Variants in PRKD1 observed in about 807,000 individuals in gnomAD.
PRKD1 encodes the protein protein kinase D1.
PRKD1 carries 63 observed loss-of-function variants against 95.9 expected under a neutral mutation model. The ratio of observed to expected loss-of-function variants is 0.66; its 90% CI spans 0.54 to 0.81. The LOEUF (loss-of-function observed/expected upper bound fraction) is 0.81. PRKD1 is among the 30% of genes least tolerant of loss of function. The pLI, the probability that PRKD1 is intolerant of heterozygous loss-of-function variation, is 0.00. For missense variants in PRKD1, 1,048 were observed against 1,165.3 expected (o/e 0.90, Z 1.47); for synonymous variants, 425 against 423.1 (o/e 1.00, Z -0.05).
intron 16 of PRKD1, among the ~76,000 whole-genome samples, chr14:29,591,786 G>A (rs1262439457): frequency 6.6e-6 from 1 of 152,062 alleles, no homozygotes; most frequent in Non-Finnish European, 1.5e-5. Context: ...TTAACTCACA[G>A]ACTGAGTCTT....
chr14:29,867,688 TGAA>T (rs1249494687), intron 1 of PRKD1, among the ~76,000 whole-genome samples: 1 of 152,190 alleles, frequency 6.6e-6, no homozygotes, highest in East Asian at 1.9e-4. Flanking sequence ...GGCTGTGCCA[TGAA>T]GGAGTGGTAC....
chr14:29,905,146 C>T (rs1198479013), intron 1 of PRKD1, among the ~76,000 whole-genome samples: 1 of 152,164 alleles, frequency 6.6e-6, no homozygotes, highest in Non-Finnish European at 1.5e-5. Flanking sequence ...ACAGTCACCC[C>T]TGAGAAGGGT....
chr14:29,711,182 G>A (rs1045251532), intron 2 of PRKD1, among the ~76,000 whole-genome samples: 1 of 151,938 alleles, frequency 6.6e-6, no homozygotes, highest in Non-Finnish European at 1.5e-5. Context: ...GGTATATTGA[G>A]GCTATATAAT....
At chr14:29,838,174 T>C (rs148287156) in intron 1 of PRKD1, among the ~76,000 whole-genome samples, 3 of 152,184 alleles carry the variant, frequency 2.0e-5, no homozygotes, top group Non-Finnish European at 4.4e-5. Flanking sequence ...TTTAGGGGGA[T>C]GAAATTTTTG....
chr14:29,609,499 TGTGCGTGCACACACACACACACA>T (rs1244125759), intron 13 of PRKD1, among the ~76,000 whole-genome samples: 1 of 94,658 alleles, frequency 1.1e-5, no homozygotes. Flanking sequence ...TTTGTGTGTG[TGTGCGTGCACACACACACACACA>T]CACACACACA....
intron 1 of PRKD1, among the ~76,000 whole-genome samples, chr14:29,773,768 T>G (rs1888613613): frequency 6.6e-6 from 1 of 152,190 alleles, no homozygotes; most frequent in African/African-American, 2.4e-5. Flanking sequence ...CATAAGAGAC[T>G]GCAAGCTGCA....
intron 2 of PRKD1, among the ~76,000 whole-genome samples, chr14:29,711,589 T>A (rs917366929): frequency 6.6e-5 from 10 of 152,248 alleles, no homozygotes; most frequent in African/African-American, 2.2e-4. Context: ...TTTAAATTTT[T>A]AAAAATTGAG....
At chr14:29,794,390 C>T (rs968516728) in intron 1 of PRKD1, among the ~76,000 whole-genome samples, 22 of 151,890 alleles carry the variant, frequency 1.4e-4, no homozygotes. Context: ...TATAAATTAT[C>T]AAGGTTTTTT....
intron 13 of PRKD1, among the ~76,000 whole-genome samples, chr14:29,614,307 G>A (rs978052481): frequency 6.6e-6 from 1 of 151,956 alleles, no homozygotes; most frequent in Non-Finnish European, 1.5e-5. Context: ...TAATAAAGAA[G>A]GATTTAATGG....
At chr14:29,631,094 A>C (rs45573431) in intron 9 of PRKD1, 73 bp from the exon 10 acceptor site, 2 of 1,385,268 alleles carry the variant, frequency 1.4e-6, no homozygotes, top group East Asian at 4.7e-5. Context: ...TCATGCCAAG[A>C]ACATGTGAAA....
At chr14:29,785,823 CATA>C in intron 1 of PRKD1, among the ~76,000 whole-genome samples, 1 of 145,246 alleles carries the variant, frequency 6.9e-6, no homozygotes, top group Non-Finnish European at 1.5e-5. Context: ...AAAGTATAAT[CATA>C]ATAAAATAAA....
At chr14:29,853,934 C>T (rs1366410354) in intron 1 of PRKD1, among the ~76,000 whole-genome samples, 4 of 152,176 alleles carry the variant, frequency 2.6e-5, no homozygotes, top group African/African-American at 9.7e-5. Flanking sequence ...ACTTGCTCCT[C>T]CTTGCTTTCC....
At chr14:29,827,722 A>G (rs1202015614) in intron 1 of PRKD1, among the ~76,000 whole-genome samples, 1 of 152,182 alleles carries the variant, frequency 6.6e-6, no homozygotes, top group East Asian at 1.9e-4. Context: ...ACACTATTAT[A>G]TATTCTCTGG....
At chr14:29,915,709 T>C (rs1353368235) in intron 1 of PRKD1, among the ~76,000 whole-genome samples, 1 of 152,098 alleles carries the variant, frequency 6.6e-6, no homozygotes, top group Non-Finnish European at 1.5e-5. Flanking sequence ...TTCAAATAAA[T>C]CAATAATACC....
At chr14:29,710,874 G>C (rs146840234) in intron 2 of PRKD1, among the ~76,000 whole-genome samples, 137 of 152,158 alleles carry the variant, frequency 9.0e-4, no homozygotes, top group African/African-American at 3.2e-3. Flanking sequence ...ACCCTTGCTA[G>C]GGTTTTATCA....
intron 2 of PRKD1, among the ~76,000 whole-genome samples, chr14:29,714,240 T>G (rs1164954292): frequency 1.3e-5 from 2 of 152,136 alleles, no homozygotes; most frequent in Non-Finnish European, 2.9e-5. Context: ...CTGGGTGATA[T>G]AGTGAACAAT....
At chr14:29,762,863 C>T (rs1888062626) in intron 1 of PRKD1, among the ~76,000 whole-genome samples, 1 of 152,138 alleles carries the variant, frequency 6.6e-6, no homozygotes, top group African/African-American at 2.4e-5. Context: ...AGTGCCTCAG[C>T]TTCCTAAGTA....
rs1318916078 is a variant in PRKD1, at chr14:29,927,304, C to T, written c.209G>A (p.Gly70Glu). The change falls in exon 1 of 18, where the codon GGG becomes GAG. Residue 70 changes from glycine to glutamate, a missense_variant. This residue lies in a region of PRKD1 where 275 missense variants were observed against 248.6 expected (regional missense o/e 1.11). Coordinates refer to ENST00000331968, the MANE Select transcript of PRKD1 (RefSeq NM_002742.3). Reference protein sequence around the residue: ...EPVLLLQDSSGDYSLAHVREM... With the variant: ...EPVLLLQDSSEDYSLAHVREM... The stretch of plus-strand genomic sequence containing the variant: ...GCGGACGTGCGCCAGGCTGTAGTCC[C>T]CGGACGAGTCCTGCAGCAGCAGCAC... 4.5e-6 allele frequency: 7 copies of T among 1,552,026 alleles called. No individual in the cohort carries two copies. Among genetic ancestry groups the T allele is most frequent in the Non-Finnish European group, 6.1e-6 (7 of 1,150,906 alleles).
At chr14:29,719,721 T>C (rs1437262063) in intron 2 of PRKD1, among the ~76,000 whole-genome samples, 1 of 152,182 alleles carries the variant, frequency 6.6e-6, no homozygotes, top group East Asian at 1.9e-4. Context: ...CAAAAACCTG[T>C]GATATTATGT....
Sources: gnomAD v4.1 joint callset for allele counts (sites outside exome capture counted in the v4.1 genomes callset) on GRCh38, gnomAD v4.1.1 for gene constraint, gnomAD v4.1.1 regional missense constraint, MANE v1.5 for transcripts, NCBI Gene and HGNC (gene_info 2026-07-23, HGNC 2026-07-21) for gene names.